Variants in KIAA0825 observed in about 807,000 individuals in gnomAD.
KIAA0825 encodes the protein uncharacterized protein KIAA0825.
In KIAA0825, 119 loss-of-function variants were observed where a neutral mutation model predicts 147.6. The ratio of observed to expected loss-of-function variants is 0.81; its 90% CI spans 0.69 to 0.94. The LOEUF is 0.94. Among genes scored for constraint, KIAA0825 ranks in the 40% least tolerant of loss-of-function variants. The pLI is 0.00. For missense variants in KIAA0825, 1,381 were observed against 1,472.7 expected (o/e 0.94, Z 1.02); for synonymous variants, 470 against 518.1 (o/e 0.91, Z 1.26).
At chr5:94,588,123 T>C (rs1783659069) in intron 1 of KIAA0825, among the ~76,000 whole-genome samples, 1 of 152,162 alleles carries the variant, frequency 6.6e-6, no homozygotes, top group South Asian at 2.1e-4. Context: ...ATTCCCGACA[T>C]AGGCATGGGC....
At chr5:94,459,246 T>C (rs1245662018) in intron 12 of KIAA0825, among the ~76,000 whole-genome samples, 3 of 152,310 alleles carry the variant, frequency 2.0e-5, no homozygotes, top group South Asian at 4.1e-4. Flanking sequence ...GGCTGCTTTC[T>C]CATTGTGTTA....
chr5:94,208,870 T>C (rs1362690238), intron 20 of KIAA0825, among the ~76,000 whole-genome samples: 2 of 152,206 alleles, frequency 1.3e-5, no homozygotes, highest in African/African-American at 4.8e-5. Context: ...GGCTTATTCA[T>C]ACAAGAATAG....
chr5:94,615,679 T>A (rs991992581), intron 1 of KIAA0825: 1 of 152,142 alleles, frequency 6.6e-6, no homozygotes, highest in African/African-American at 2.4e-5. Flanking sequence ...CTTTTATGAA[T>A]GAGTGTGGAG....
At chr5:94,330,786 CT>C (rs1781188284) in intron 20 of KIAA0825, among the ~76,000 whole-genome samples, 1 of 152,208 alleles carries the variant, frequency 6.6e-6, no homozygotes, top group South Asian at 2.1e-4. Context: ...CCTTTTCAGA[CT>C]TTCTTCCCTT....
intron 20 of KIAA0825, among the ~76,000 whole-genome samples, chr5:94,158,942 T>G (rs1767293603): frequency 6.6e-6 from 1 of 152,200 alleles, no homozygotes; most frequent in Admixed American, 6.5e-5. Context: ...GGCATATTGG[T>G]TAAGGTTGCA....
chr5:94,459,412 G>A (rs1467782308), intron 12 of KIAA0825, among the ~76,000 whole-genome samples: 1 of 152,018 alleles, frequency 6.6e-6, no homozygotes, highest in Non-Finnish European at 1.5e-5. Flanking sequence ...ACATTTTGGG[G>A]ACCTGCCTAT....
Position 94,153,857 on chromosome 5 carries a change from T to C in KIAA0825, c.*150A>G. ...AAAATATGTAGCACCTTATCCTTTA[T>C]GTGCTGTATTCCTTTTCAGTACAGA... On this transcript the variant is annotated 3_prime_UTR_variant, in exon 21 of 21. Coordinates refer to ENST00000682413, the MANE Select transcript of KIAA0825 (RefSeq NM_001145678.3). 1 of 536,292 alleles carries C rather than the reference T, an allele frequency of 1.9e-6. No homozygotes were observed. Among genetic ancestry groups the C allele is most frequent in the South Asian group, 3.3e-5 (1 of 30,080 alleles). The allele number at this position is 536,292 out of a possible 1,614,324, so 33.2% of individuals were successfully genotyped here. A position where few individuals can be genotyped will look rare whatever the true frequency, so the allele number is the denominator to read the frequency against.
chr5:94,334,440 A>G (rs909934800), intron 20 of KIAA0825, among the ~76,000 whole-genome samples: 1 of 152,258 alleles, frequency 6.6e-6, no homozygotes, highest in Non-Finnish European at 1.5e-5. Context: ...TCCCAGAAGA[A>G]AAAAGGTAGA....
intron 5 of KIAA0825, among the ~76,000 whole-genome samples, chr5:94,496,529 C>T (rs1051915859): frequency 6.6e-5 from 10 of 152,192 alleles, no homozygotes; most frequent in African/African-American, 2.4e-4. Context: ...GGTGGGATGA[C>T]GGAGATAAGA....
At chr5:94,340,724 G>GC (rs1415022978) in intron 20 of KIAA0825, among the ~76,000 whole-genome samples, 4 of 152,062 alleles carry the variant, frequency 2.6e-5, no homozygotes, top group Non-Finnish European at 5.9e-5. Flanking sequence ...TCTTTAAAAA[G>GC]CACAGCAAGC....
At chr5:94,305,907 A>T (rs984532567) in intron 20 of KIAA0825, among the ~76,000 whole-genome samples, 1 of 151,926 alleles carries the variant, frequency 6.6e-6, no homozygotes, top group Non-Finnish European at 1.5e-5. Flanking sequence ...TTTAATGTTA[A>T]TAAGTGATAG....
rs563738021 is a variant in KIAA0825 at position 94,258,066 on chromosome 5, A to G, written c.3711-103942T>C. On this transcript the variant is annotated intron_variant, in intron 20 of 20. Transcript: ENST00000682413. ...GTTAAAATGAATAACAGCTTTCTTTATTGTCCTTTAAAAATCAGTAATGAT... is the reference window on the plus strand; with the variant it reads ...GTTAAAATGAATAACAGCTTTCTTTGTTGTCCTTTAAAAATCAGTAATGAT... 3.3e-5 allele frequency among the ~76,000 whole-genome samples: 5 copies of G among 152,140 alleles called. No homozygotes were observed. The South Asian group carries it at 1.0e-3, about 32-fold the overall frequency.
chr5:94,529,345 A>C (rs796874139), intron 3 of KIAA0825, among the ~76,000 whole-genome samples: 193 of 129,852 alleles, frequency 1.5e-3, no homozygotes, highest in Middle Eastern at 4.3e-3. Context: ...ATATGTATAT[A>C]TCATATATGT....
intron 20 of KIAA0825, among the ~76,000 whole-genome samples, chr5:94,207,176 C>G (rs187579902): frequency 2.0e-5 from 3 of 152,258 alleles, no homozygotes; most frequent in African/African-American, 4.8e-5. Context: ...AATGCAGTAT[C>G]ATACTCTGTT....
chr5:94,561,783 G>C (rs1232299925), intron 2 of KIAA0825, among the ~76,000 whole-genome samples: 1 of 151,938 alleles, frequency 6.6e-6, no homozygotes, highest in Non-Finnish European at 1.5e-5. Flanking sequence ...AGCCCTTCTT[G>C]ACTGACATCT....
chr5:94,160,446 G>GTA (rs1767453092), intron 20 of KIAA0825, among the ~76,000 whole-genome samples: 1 of 148,708 alleles, frequency 6.7e-6, no homozygotes, highest in African/African-American at 2.5e-5. Context: ...TATGTATATA[G>GTA]TACATTTCTG....
intron 9 of KIAA0825, among the ~76,000 whole-genome samples, chr5:94,470,808 C>T (rs1562529776): frequency 6.6e-6 from 1 of 152,034 alleles, no homozygotes; most frequent in Non-Finnish European, 1.5e-5. Flanking sequence ...AATAGATTCT[C>T]GGGGTCACAC....
chr5:94,403,559 G>A lies in KIAA0825; in HGVS notation c.2887+10C>T. On this transcript the variant is annotated intron_variant, in intron 16 of 20. Coordinates refer to ENST00000682413, the MANE Select transcript of KIAA0825 (RefSeq NM_001145678.3). The stretch of plus-strand genomic sequence containing the variant: ...GGTGTATTTTCTTAAAGAGAAACAA[G>A]TGTACTTACTTTTGCATGATTCTTT... The A allele has an allele frequency of 1.3e-6, 2 of 1,545,832 alleles. No individual in the cohort carries two copies. Among genetic ancestry groups the A allele is most frequent in the Non-Finnish European group, 1.8e-6 (2 of 1,142,310 alleles).
intron 20 of KIAA0825, among the ~76,000 whole-genome samples, chr5:94,378,687 T>C (rs1223388117): frequency 6.6e-6 from 1 of 152,272 alleles, no homozygotes. Context: ...GCTACACTGC[T>C]TTCCACAAGG....
Sources: allele counts gnomAD v4.1 joint callset (sites outside exome capture counted in the v4.1 genomes callset), GRCh38; gene constraint gnomAD v4.1.1; transcripts MANE v1.5; gene names NCBI Gene and HGNC (gene_info 2026-07-23, HGNC 2026-07-21).